The following NPAS2 variants were observed in gnomAD, a reference collection of about 807,000 sequenced individuals.
NPAS2 encodes neuronal PAS domain protein 2.
NPAS2 carries 23 observed loss-of-function variants against 107.5 expected under a neutral mutation model. The ratio of observed to expected loss-of-function variants is 0.21; its 90% CI spans 0.15 to 0.30. The LOEUF (loss-of-function observed/expected upper bound fraction) is 0.30. NPAS2 is among the 10% of genes least tolerant of loss of function. NPAS2 has a pLI of 1.00. For missense variants in NPAS2, 756 were observed against 1,043.3 expected, an observed-to-expected ratio of 0.72 and a Z score of 3.79; for synonymous variants, 403 against 417.5, an observed-to-expected ratio of 0.97 and a Z score of 0.42.
intron 1 of NPAS2, among the ~76,000 whole-genome samples, chr2:100,831,057 T>A (rs1459224889): frequency 1.3e-5 from 2 of 152,120 alleles, no homozygotes; most frequent in Non-Finnish European, 2.9e-5. Context: ...CCTAGCACTT[T>A]GGGAGGCTGA....
intron 2 of NPAS2, among the ~76,000 whole-genome samples, chr2:100,923,383 A>G (rs1683360277): frequency 1.3e-5 from 2 of 152,160 alleles, no homozygotes; most frequent in Non-Finnish European, 2.9e-5. Context: ...GGTTGTGAAC[A>G]TGTGTGTTGA....
intron 1 of NPAS2, chr2:100,823,530 C>T (rs1049243055): frequency 6.6e-6 from 1 of 152,152 alleles, no homozygotes; most frequent in Non-Finnish European, 1.5e-5. Context: ...CCGAGAATCA[C>T]CTGGGGCCCT....
rs140977427 is a variant in NPAS2, at chr2:100,967,752, G to A, written c.908-529G>A. Among the ~76,000 whole-genome samples the A allele has an allele frequency of 6.5e-4, 99 of 152,312 alleles. 1 individual carries two copies. The highest frequency in any genetic ancestry group is 2.0e-3 in the African/African-American group (85 of 41,572). ...CAGCAGACATCACTATGGGGGGGCT[G>A]CAAGCAGCTCTGGGGAAGGGGGAAG... On this transcript the variant is annotated intron_variant, in intron 10 of 20. Transcript: ENST00000335681.
chr2:100,891,179 C>T (rs1185907008), intron 1 of NPAS2, among the ~76,000 whole-genome samples: 1 of 151,192 alleles, frequency 6.6e-6, no homozygotes, highest in African/African-American at 2.4e-5. Flanking sequence ...TTGCAGTGAG[C>T]CAAGATTGCG....
At chr2:100,873,439 T>C (rs1048742958) in intron 1 of NPAS2, among the ~76,000 whole-genome samples, 1 of 150,344 alleles carries the variant, frequency 6.7e-6, no homozygotes, top group African/African-American at 2.4e-5. Flanking sequence ...ATTTGCAGTA[T>C]GATTCATTTT....
At chr2:100,934,400 G>A (rs1390396105) in intron 4 of NPAS2, among the ~76,000 whole-genome samples, 1 of 151,760 alleles carries the variant, frequency 6.6e-6, no homozygotes, top group Non-Finnish European at 1.5e-5. Context: ...AATAAATTTC[G>A]GGGCTAGAAG....
chr2:100,875,631 C>T (rs558777584), intron 1 of NPAS2, among the ~76,000 whole-genome samples: 7 of 152,298 alleles, frequency 4.6e-5, no homozygotes, highest in Admixed American at 2.6e-4. Flanking sequence ...TTGAAAGGCG[C>T]GGGCAGGGCT....
chr2:100,896,107 C>T lies in NPAS2; in HGVS notation c.-22-8626C>T, dbSNP rs144992530. Among the ~76,000 whole-genome samples the T allele has an allele frequency of 5.1e-3, 771 of 152,258 alleles. 6 individuals carry two copies. Among genetic ancestry groups the T allele is most frequent in the African/African-American group, 0.016 (662 of 41,540 alleles). On this transcript the variant is annotated intron_variant, in intron 1 of 20. Coordinates refer to ENST00000335681, the MANE Select transcript of NPAS2 (RefSeq NM_002518.4). Reference sequence around the variant, plus strand: ...GAACTCACCTAGAGCTTTCTGTGCCCCAGGCATCATGCTGGGTCCTTTATT... The same window carrying T: ...GAACTCACCTAGAGCTTTCTGTGCCTCAGGCATCATGCTGGGTCCTTTATT...
At chr2:100,821,333 G>C (rs560892015) in intron 1 of NPAS2, 32 of 761,112 alleles carry the variant, frequency 4.2e-5, no homozygotes, top group Non-Finnish European at 5.9e-5. Context: ...GTGTCCGGGA[G>C]GCTTTAGTAC....
At chr2:100,858,357 T>C (rs1186191792) in intron 1 of NPAS2, among the ~76,000 whole-genome samples, 2 of 152,228 alleles carry the variant, frequency 1.3e-5, no homozygotes, top group Non-Finnish European at 2.9e-5. Context: ...GTCTCTCCCT[T>C]TGTCATCTGC....
At chr2:100,854,288 C>G (rs777902711) in intron 1 of NPAS2, among the ~76,000 whole-genome samples, 2 of 152,004 alleles carry the variant, frequency 1.3e-5, no homozygotes, top group East Asian at 3.9e-4. Flanking sequence ...GGCCATGGGC[C>G]GGAGTTGTGG....
intron 5 of NPAS2, among the ~76,000 whole-genome samples, chr2:100,942,019 T>C (rs1344214044): frequency 6.6e-6 from 1 of 152,134 alleles, no homozygotes; most frequent in East Asian, 1.9e-4. Flanking sequence ...ACTGGGGTTA[T>C]GAGCAACTGC....
intron 5 of NPAS2, among the ~76,000 whole-genome samples, chr2:100,945,093 A>G (rs1344911750): frequency 2.6e-5 from 4 of 152,278 alleles, no homozygotes; most frequent in African/African-American, 7.2e-5. Context: ...ACATCCGAAG[A>G]AACTTGGAGA....
Position 100,827,026 on chromosome 2 carries a change from G to A in NPAS2, c.-23+6612G>A, listed in dbSNP as rs111416244. 9.2e-3 allele frequency among the ~76,000 whole-genome samples: 1,403 copies of A among 152,196 alleles called. 28 individuals are homozygous for A. The highest frequency in any genetic ancestry group is 0.032 in the African/African-American group (1,331 of 41,520). Reference sequence around the variant, plus strand: ...GTTATACTTGTTTTGGGAGTGTATCGATGGTACATGAAGACGCAAAGGGAA... The same window carrying A: ...GTTATACTTGTTTTGGGAGTGTATCAATGGTACATGAAGACGCAAAGGGAA... On this transcript the variant is annotated intron_variant, in intron 1 of 20. Transcript: ENST00000335681.
chr2:100,925,754 AT>A (rs767910652), intron 3 of NPAS2, among the ~76,000 whole-genome samples: 26 of 152,300 alleles, frequency 1.7e-4, no homozygotes, highest in Non-Finnish European at 3.2e-4. Context: ...ATTGAAAAGA[AT>A]TTATTTTCTT....
chr2:100,887,810 T>G (rs1680805747), intron 1 of NPAS2, among the ~76,000 whole-genome samples: 1 of 152,194 alleles, frequency 6.6e-6, no homozygotes, highest in South Asian at 2.1e-4. Context: ...GGGCCTGGGC[T>G]GGTGCCGGCA....
intron 7 of NPAS2, among the ~76,000 whole-genome samples, chr2:100,959,147 G>A (rs1204827668): frequency 6.6e-6 from 1 of 150,632 alleles, no homozygotes; most frequent in African/African-American, 2.4e-5. Flanking sequence ...GCTTACTCCT[G>A]TGATCCCAGC....
At chr2:100,869,446 T>G (rs1679435340) in intron 1 of NPAS2, among the ~76,000 whole-genome samples, 1 of 152,190 alleles carries the variant, frequency 6.6e-6, no homozygotes, top group African/African-American at 2.4e-5. Flanking sequence ...TGCAGAGGAT[T>G]TGTGTTTGTT....
chr2:100,950,581 T>C (rs1675162776), intron 7 of NPAS2, among the ~76,000 whole-genome samples: 1 of 152,354 alleles, frequency 6.6e-6, no homozygotes, highest in Admixed American at 6.5e-5. Flanking sequence ...TGGTCCTTTG[T>C]TGTATGTTAT....
Sources: allele counts gnomAD v4.1 joint callset (sites outside exome capture counted in the v4.1 genomes callset), GRCh38; gene constraint gnomAD v4.1.1; transcripts MANE v1.5; gene names NCBI Gene and HGNC (gene_info 2026-07-23, HGNC 2026-07-21).